MACROD2: variants seen among roughly 807,000 people sequenced by gnomAD.
The protein encoded by MACROD2 is mono-ADP ribosylhydrolase 2, also known as ADP-ribose glycohydrolase MACROD2.
MACROD2 carries 36 observed loss-of-function variants against 70.4 expected under a neutral mutation model. The ratio of observed to expected loss-of-function variants is 0.51; its 90% CI spans 0.39 to 0.68. The LOEUF is 0.68. MACROD2 is among the 30% of genes least tolerant of loss of function. MACROD2 has a pLI of 0.00. For missense variants in MACROD2, 496 were observed against 538.4 expected, an observed-to-expected ratio of 0.92 and a Z score of 0.78; for synonymous variants, 172 against 178.8, an observed-to-expected ratio of 0.96 and a Z score of 0.30.
chr20:15,640,656 T>G (rs2049446584), intron 8 of MACROD2, among the ~76,000 whole-genome samples: 1 of 152,238 alleles, frequency 6.6e-6, no homozygotes, highest in Non-Finnish European at 1.5e-5. Context: ...TCAGCTTCTG[T>G]TTGAAGGACC....
chr20:15,043,798 G>A (rs964806190), intron 5 of MACROD2, among the ~76,000 whole-genome samples: 1 of 152,146 alleles, frequency 6.6e-6, no homozygotes, highest in East Asian at 1.9e-4. Context: ...CACTCTCCTC[G>A]GGTTTGATAT....
At chr20:14,197,624 G>A (rs971804090) in intron 3 of MACROD2, among the ~76,000 whole-genome samples, 4 of 151,952 alleles carry the variant, frequency 2.6e-5, no homozygotes, top group Non-Finnish European at 4.4e-5. Context: ...AAAATTAGCC[G>A]GGTGTGGTGG....
At chr20:15,847,346 A>C (rs1260491572) in intron 8 of MACROD2, among the ~76,000 whole-genome samples, 1 of 152,190 alleles carries the variant, frequency 6.6e-6, no homozygotes, top group Non-Finnish European at 1.5e-5. Flanking sequence ...AAATTGTGCC[A>C]ATATGCCAAT....
At chr20:15,848,634 T>C (rs1340709136) in intron 8 of MACROD2, among the ~76,000 whole-genome samples, 1 of 152,192 alleles carries the variant, frequency 6.6e-6, no homozygotes, top group African/African-American at 2.4e-5. Context: ...AGTTCAATTT[T>C]CAAAATATGA....
chr20:16,002,698 G>A (rs769784253), intron 15 of MACROD2, among the ~76,000 whole-genome samples: 42 of 152,274 alleles, frequency 2.8e-4, no homozygotes, highest in African/African-American at 8.9e-4. Context: ...ACACCTTGAC[G>A]CTAGCCTCAT....
intron 17 of MACROD2, among the ~76,000 whole-genome samples, chr20:16,047,650 C>G (rs1223897657): frequency 1.5e-5 from 2 of 136,002 alleles, no homozygotes; most frequent in African/African-American, 5.5e-5. Context: ...AAATGAGAAT[C>G]CCTTTCAGAT....
intron 5 of MACROD2, among the ~76,000 whole-genome samples, chr20:14,692,366 G>C (rs186035864): frequency 7.2e-4 from 109 of 152,278 alleles, no homozygotes; most frequent in African/African-American, 2.5e-3. Flanking sequence ...ACTCTGACAC[G>C]TTCTTCTTTT....
chr20:15,105,743 G>T (rs2075905929), intron 5 of MACROD2, among the ~76,000 whole-genome samples: 1 of 152,042 alleles, frequency 6.6e-6, no homozygotes, highest in Non-Finnish European at 1.5e-5. Flanking sequence ...AGCAGAAAGG[G>T]GTTGCCTACC....
intron 4 of MACROD2, among the ~76,000 whole-genome samples, chr20:14,678,963 A>C (rs1226012920): frequency 6.6e-6 from 1 of 151,988 alleles, no homozygotes; most frequent in African/African-American, 2.4e-5. Context: ...AAAAAAAAAA[A>C]CAACACATTA....
chr20:15,957,817 C>G (rs2065999382), intron 12 of MACROD2, among the ~76,000 whole-genome samples: 1 of 152,184 alleles, frequency 6.6e-6, no homozygotes. Context: ...CTGGCCTGAT[C>G]TGATTGCATG....
At chr20:15,921,143 C>T (rs984723829) in intron 10 of MACROD2, among the ~76,000 whole-genome samples, 11 of 152,220 alleles carry the variant, frequency 7.2e-5, no homozygotes, top group African/African-American at 2.7e-4. Context: ...AGACATGCCT[C>T]ACTCCCAGCA....
At chr20:15,712,297 T>C (rs1422724132) in intron 8 of MACROD2, among the ~76,000 whole-genome samples, 1 of 151,872 alleles carries the variant, frequency 6.6e-6, no homozygotes, top group Non-Finnish European at 1.5e-5. Context: ...CCAATAAAAC[T>C]TTATTCACAA....
intron 8 of MACROD2, among the ~76,000 whole-genome samples, chr20:15,583,906 C>T (rs1151928): frequency 0.44 from 66,464 of 152,148 alleles, 16,657 homozygotes; most frequent in Non-Finnish European, 0.56. Context: ...CCCAAAGTGC[C>T]GGGATTACAG....
At chr20:15,622,278 C>T (rs1376668003) in intron 8 of MACROD2, among the ~76,000 whole-genome samples, 1 of 152,202 alleles carries the variant, frequency 6.6e-6, no homozygotes, top group Non-Finnish European at 1.5e-5. Flanking sequence ...AGACATTCTC[C>T]AAGGAAACAA....
intron 8 of MACROD2, among the ~76,000 whole-genome samples, chr20:15,797,857 A>G (rs2063689332): frequency 6.6e-6 from 1 of 152,214 alleles, no homozygotes; most frequent in Admixed American, 6.5e-5. Context: ...GGGCTCAACA[A>G]TGTGCATTTC....
intron 3 of MACROD2, among the ~76,000 whole-genome samples, chr20:14,208,531 A>G (rs1170632074): frequency 1.3e-5 from 2 of 152,208 alleles, no homozygotes; most frequent in African/African-American, 4.8e-5. Flanking sequence ...TTAAAGCTGC[A>G]CTACTCAGAC....
At chr20:15,461,642 T>G (rs2046820103) in intron 7 of MACROD2, among the ~76,000 whole-genome samples, 1 of 152,226 alleles carries the variant, frequency 6.6e-6, no homozygotes, top group African/African-American at 2.4e-5. Context: ...CATTTGAAAC[T>G]TAAATGAAAT....
chr20:15,423,542 A>G (rs13039799), intron 6 of MACROD2, among the ~76,000 whole-genome samples: 1 of 151,550 alleles, frequency 6.6e-6, no homozygotes, highest in Non-Finnish European at 1.5e-5. Flanking sequence ...TCCAAGGTCA[A>G]GGTGCCAGCA....
chr20:14,443,209 G>A (rs1254024710), intron 3 of MACROD2, among the ~76,000 whole-genome samples: 1 of 151,872 alleles, frequency 6.6e-6, no homozygotes, highest in African/African-American at 2.4e-5. Context: ...AGGAGTAAGG[G>A]TGAAAGGACT....
Sources: gnomAD v4.1 joint callset for allele counts (sites outside exome capture counted in the v4.1 genomes callset) on GRCh38, gnomAD v4.1.1 for gene constraint, MANE v1.5 for transcripts, NCBI Gene and HGNC (gene_info 2026-07-23, HGNC 2026-07-21) for gene names.